Variants in SRRM3 observed in about 807,000 individuals in gnomAD.
The protein encoded by SRRM3 is serine/arginine repetitive matrix 3.
In SRRM3, 27 loss-of-function variants were observed where a neutral mutation model predicts 66.2. That is an observed-to-expected ratio of 0.41 (90% CI 0.30 to 0.56). The LOEUF is 0.56. SRRM3 is among the 20% of genes least tolerant of loss of function. The probability of loss-of-function intolerance (pLI) is 0.32; values close to 1 mark genes in which losing one functional copy is unlikely to be tolerated. For missense variants in SRRM3, 918 were observed against 991.9 expected (o/e 0.93, Z 1.00); for synonymous variants, 391 against 414.9 (o/e 0.94, Z 0.70).
rs554665738 is a variant in SRRM3, at chr7:76,221,507, C to T, written c.-39-13521C>T. Among the ~76,000 whole-genome samples, 1,174 of 152,046 alleles carry T rather than the reference C, an allele frequency of 7.7e-3. 7 individuals are homozygous for T. Among genetic ancestry groups the T allele is most frequent in the Non-Finnish European group, 0.012 (782 of 67,976 alleles). ...CCTCCCTACTAGCTGGGACTACAGGCGCCCACCACCACGCCCAGCTAATTT... is the reference window on the plus strand; with the variant it reads ...CCTCCCTACTAGCTGGGACTACAGGTGCCCACCACCACGCCCAGCTAATTT... On this transcript the variant is annotated intron_variant, in intron 1 of 14. Transcript: ENST00000611745.
At chr7:76,250,278 C>T (rs576849504) in intron 3 of SRRM3, among the ~76,000 whole-genome samples, 2 of 152,060 alleles carry the variant, frequency 1.3e-5, no homozygotes, top group Non-Finnish European at 2.9e-5. Flanking sequence ...ATCACTCAGG[C>T]TGGAGTGCAG....
chr7:76,231,121 A>AC (rs1355112627), intron 1 of SRRM3, among the ~76,000 whole-genome samples: 8 of 151,874 alleles, frequency 5.3e-5, no homozygotes, highest in African/African-American at 1.7e-4. Context: ...TCCTGCAGTC[A>AC]CCCCCTGGTC....
intron 1 of SRRM3, among the ~76,000 whole-genome samples, chr7:76,204,851 T>G (rs1800255961): frequency 6.6e-6 from 1 of 152,096 alleles, no homozygotes. Context: ...GGCAGGAGGA[T>G]CCCTTGAGGC....
intron 10 of SRRM3, 81 bp from the exon 11 acceptor site, chr7:76,267,177 A>C: frequency 6.3e-6 from 8 of 1,266,262 alleles, no homozygotes; most frequent in Non-Finnish European, 7.3e-6. Flanking sequence ...GTGCTGGGGA[A>C]GGGGGAAAGA....
chr7:76,279,615 C>A (rs1802444476), intron 11 of SRRM3, among the ~76,000 whole-genome samples: 1 of 151,478 alleles, frequency 6.6e-6, no homozygotes, highest in South Asian at 2.1e-4. Context: ...GGAATCTTTG[C>A]CCTGGAAGGG....
chr7:76,280,536 C>G (rs1216058503), intron 11 of SRRM3, among the ~76,000 whole-genome samples: 1 of 151,796 alleles, frequency 6.6e-6, no homozygotes, highest in South Asian at 2.1e-4. Flanking sequence ...ATGCCAGCCC[C>G]GATGCCTGTC....
chr7:76,227,819 G>A (rs1800915480), intron 1 of SRRM3, among the ~76,000 whole-genome samples: 1 of 152,128 alleles, frequency 6.6e-6, no homozygotes, highest in Non-Finnish European at 1.5e-5. Flanking sequence ...AACAATTCCT[G>A]TAATAGGGAC....
intron 1 of SRRM3, among the ~76,000 whole-genome samples, chr7:76,218,674 C>CTTTTTTTTTTTTTTTTTT (rs11349335): frequency 1.3e-5 from 1 of 76,278 alleles, no homozygotes; most frequent in African/African-American, 5.4e-5. Flanking sequence ...GCTTTCTTTT[C>CTTTTTTTTTTTTTTTTTT]TTTTTTTTTT....
intron 11 of SRRM3, among the ~76,000 whole-genome samples, chr7:76,274,229 A>G (rs2158868): frequency 0.14 from 21,983 of 152,212 alleles, 2,194 homozygotes; most frequent in African/African-American, 0.27. Flanking sequence ...GCCCCATCCC[A>G]TCCTTGGGGG....
intron 11 of SRRM3, among the ~76,000 whole-genome samples, chr7:76,279,555 G>A (rs1215890189): frequency 6.7e-6 from 1 of 149,986 alleles, no homozygotes; most frequent in African/African-American, 2.5e-5. Context: ...GATCAGCTCT[G>A]TGTAGGGAGG....
chr7:76,253,787 CAA>C (rs782083114), intron 3 of SRRM3, among the ~76,000 whole-genome samples: 7,201 of 64,680 alleles, frequency 0.11, 374 homozygotes, highest in African/African-American at 0.29. Flanking sequence ...AACTCTGTTT[CAA>C]AAAAAAAAAA....
rs60356142 is a variant in SRRM3 at position 76,277,740 on chromosome 7, G to GAA, written c.1009-3700_1009-3699insAA. Among the ~76,000 whole-genome samples the GAA allele has an allele frequency of 1.9e-3, 38 of 20,082 alleles. No homozygotes were observed. In the South Asian group the frequency reaches 0.021, roughly 11 times the overall value. The allele number at this position is 20,082 out of a possible 152,430, so 13.2% of individuals were successfully genotyped here. On this transcript the variant is annotated intron_variant, in intron 11 of 14. Transcript: ENST00000611745. ...ACAAAAAAAAAAAAAAAAAAAGAGA[G>GAA]AGAGAGAAAGAAAGAAAAGAAAAAG...
Position 76,285,475 on chromosome 7 carries a change from T to G in SRRM3, c.1734-140T>G. On this transcript the variant is annotated intron_variant, in intron 14 of 14. Coordinates refer to ENST00000611745, the MANE Select transcript of SRRM3 (RefSeq NM_001110199.3). This position sits in a 1 kb window ranked among gnomAD's most constrained non-coding sequence, Gnocchi z 4.1. ...CAACATGGAATTTGCAAGTAACCAA[T>G]GACCGTCAGATTCCATTTGGAGAAG... 1.5e-6 allele frequency: 1 copy of G among 663,396 alleles called. No individual in the cohort carries two copies. Among genetic ancestry groups the G allele is most frequent in the Non-Finnish European group, 2.6e-6 (1 of 383,874 alleles). 41.1% of individuals were successfully genotyped at this position (663,396 alleles called of 1,614,324 possible).
intron 2 of SRRM3, among the ~76,000 whole-genome samples, chr7:76,239,476 T>A (rs1051301184): frequency 1.3e-5 from 2 of 151,812 alleles, no homozygotes; most frequent in Non-Finnish European, 2.9e-5. Flanking sequence ...AGGGAGCACT[T>A]GAGCCCAGGA....
chr7:76,267,164 C>A, intron 10 of SRRM3, 94 bp from the exon 11 acceptor site: 1 of 1,212,796 alleles, frequency 8.2e-7, no homozygotes, highest in Non-Finnish European at 1.1e-6. Context: ...GCTCTCTTTC[C>A]CCGTGCTGGG....
chr7:76,276,157 G>A (rs1184175927), intron 11 of SRRM3, among the ~76,000 whole-genome samples: 1 of 151,922 alleles, frequency 6.6e-6, no homozygotes, highest in Non-Finnish European at 1.5e-5. Context: ...GGAGAGGAGG[G>A]GCTCCTGGGA....
rs1278974659 is a variant in SRRM3 at position 76,281,448 on chromosome 7, G to C, written c.1016G>C (p.Ser339Thr). 3.2e-6 allele frequency: 4 copies of C among 1,235,894 alleles called. No homozygotes were observed. The highest frequency in any genetic ancestry group is 4.1e-6 in the Non-Finnish European group (4 of 984,294). The allele number at this position is 1,235,894 out of a possible 1,614,324, so 76.6% of individuals were successfully genotyped here. Residue 339 changes from serine (S) to threonine (T), a missense_variant, in exon 12 of 15, where the codon AGC (serine) becomes ACC (threonine). Transcript: ENST00000611745. ...GSAHSPPDKP[S>T]SPSPRVRDKA... is the part of the protein sequence containing the mutation. Reference sequence around the variant, plus strand: ...TGCCTCTCTCCCCGTCAGAAGCCCAGCTCGCCCTCGCCCAGGGTCCGTGAC... The same window carrying C: ...TGCCTCTCTCCCCGTCAGAAGCCCACCTCGCCCTCGCCCAGGGTCCGTGAC...
At chr7:76,273,874 G>C (rs1802271305) in intron 11 of SRRM3, among the ~76,000 whole-genome samples, 1 of 151,978 alleles carries the variant, frequency 6.6e-6, no homozygotes, top group Non-Finnish European at 1.5e-5. Context: ...CACCTTCCTT[G>C]TTCCCTCCTT....
intron 3 of SRRM3, among the ~76,000 whole-genome samples, chr7:76,258,438 G>A (rs782698804): frequency 2.6e-5 from 4 of 151,526 alleles, no homozygotes; most frequent in Non-Finnish European, 5.9e-5. Flanking sequence ...GAGTTTGCCG[G>A]GCGCGGTGGC....
Sources: allele counts gnomAD v4.1 joint callset (sites outside exome capture counted in the v4.1 genomes callset), GRCh38; gene constraint gnomAD v4.1.1; non-coding constraint Gnocchi (gnomAD v3.1); transcripts MANE v1.5; gene names NCBI Gene and HGNC (gene_info 2026-07-23, HGNC 2026-07-21).